PAIP2B: variants seen among roughly 807,000 people sequenced by gnomAD.
The protein encoded by PAIP2B is polyadenylate-binding protein-interacting protein 2B.
PAIP2B carries 13 observed loss-of-function variants against 17.0 expected under a neutral mutation model. The observed-to-expected ratio is 0.76, with a 90% CI of 0.50 to 1.22. PAIP2B has a LOEUF of 1.22. PAIP2B is among the 50% of genes most tolerant of loss of function. The pLI is 0.00. For synonymous variants in PAIP2B, 43 were observed against 48.7 expected (o/e 0.88, Z 0.48); for missense variants, 117 against 144.5 (o/e 0.81, Z 0.98).
chr2:71,186,027 G>A lies in PAIP2B; in HGVS notation c.*2452C>T, dbSNP rs1163559095. 1 of 152,172 alleles carries A rather than the reference G, an allele frequency of 6.6e-6. No individual in the cohort carries two copies. The highest frequency in any genetic ancestry group is 1.5e-5 in the Non-Finnish European group (1 of 68,044). 9.4% of individuals were successfully genotyped at this position (152,172 alleles called of 1,614,324 possible). ...TTAAAAAAGTTTAAACAAAGTAGTG[G>A]CTTAAATTCAACATCAAAATTACCC... On this transcript the variant is annotated 3_prime_UTR_variant, in exon 4 of 4. Coordinates refer to ENST00000244221, the MANE Select transcript of PAIP2B (RefSeq NM_020459.1).
rs921929701 is a variant in PAIP2B, at chr2:71,188,441, T to C, written c.*38A>G. On this transcript the variant is annotated 3_prime_UTR_variant, in exon 4 of 4. Transcript: ENST00000244221. ...CATTTTGTGCATTACTATCCCCAGA[T>C]GTGGGGACAGACAAGTCTTCCTCAA... 1 of 1,559,064 alleles carries C rather than the reference T, an allele frequency of 6.4e-7. No homozygotes were observed. Among genetic ancestry groups the C allele is most frequent in the African/African-American group, 1.4e-5 (1 of 73,568 alleles).
intron 1 of PAIP2B, among the ~76,000 whole-genome samples, chr2:71,206,696 T>A (rs1675137271): frequency 6.6e-6 from 1 of 152,230 alleles, no homozygotes; most frequent in Admixed American, 6.5e-5. Flanking sequence ...AAACTAGCTA[T>A]TCTTTGAACT....
chr2:71,210,731 T>A (rs1261215207), intron 1 of PAIP2B, among the ~76,000 whole-genome samples: 3 of 152,172 alleles, frequency 2.0e-5, no homozygotes, highest in Non-Finnish European at 2.9e-5. Flanking sequence ...GGCTGCCAAA[T>A]GAGAAAGACA....
At chr2:71,226,222 C>T (rs1016099303) in intron 1 of PAIP2B, among the ~76,000 whole-genome samples, 2 of 152,192 alleles carry the variant, frequency 1.3e-5, no homozygotes, top group Non-Finnish European at 2.9e-5. Context: ...GCCAAACTCC[C>T]TGTTCTGCGT....
chr2:71,187,264 C>G lies in PAIP2B; in HGVS notation c.*1215G>C, dbSNP rs1674564209. 1 of 152,154 alleles carries G rather than the reference C, an allele frequency of 6.6e-6. No individual in the cohort carries two copies. The highest frequency in any genetic ancestry group is 6.5e-5 in the Admixed American group (1 of 15,272). The allele number at this position is 152,154 out of a possible 1,614,324, so 9.4% of individuals were successfully genotyped here. On this transcript the variant is annotated 3_prime_UTR_variant, in exon 4 of 4. Transcript: ENST00000244221. ...GGCAGGAAAGACAAAGAAACACACC[C>G]TAAGAGGTCAATCTACAAAACTTGC...
intron 1 of PAIP2B, among the ~76,000 whole-genome samples, chr2:71,213,455 G>C (rs1472246850): frequency 6.6e-6 from 1 of 152,118 alleles, no homozygotes; most frequent in East Asian, 1.9e-4. Context: ...GAGGGACGAG[G>C]GTAAGGTCAG....
intron 1 of PAIP2B, among the ~76,000 whole-genome samples, chr2:71,215,186 T>C (rs1675395716): frequency 6.6e-6 from 1 of 152,032 alleles, no homozygotes; most frequent in South Asian, 2.1e-4. Flanking sequence ...ATCTGAGGCA[T>C]ACAGTCCAGG....
intron 2 of PAIP2B, among the ~76,000 whole-genome samples, chr2:71,191,668 G>T (rs1424044022): frequency 6.6e-6 from 1 of 152,172 alleles, no homozygotes; most frequent in Non-Finnish European, 1.5e-5. Context: ...CAAGGGACAT[G>T]GACACTTTGG....
At position 71,188,209 on chromosome 2, in the gene PAIP2B, A is replaced by G. The variant is rs988545019; in HGVS notation, c.*270T>C. 2 of 472,552 alleles carry G rather than the reference A, an allele frequency of 4.2e-6. No individual in the cohort carries two copies. The highest frequency in any genetic ancestry group is 7.5e-6 in the Non-Finnish European group (2 of 265,772). The allele number at this position is 472,552 out of a possible 1,614,324, so 29.3% of individuals were successfully genotyped here. On this transcript the variant is annotated 3_prime_UTR_variant, in exon 4 of 4. Coordinates refer to ENST00000244221, the MANE Select transcript of PAIP2B (RefSeq NM_020459.1). ...GGAACACTTCTGATGAAGGGGGGAAAATGCAATTTCCTTAACTCGAAAGAG... is the reference window on the plus strand; with the variant it reads ...GGAACACTTCTGATGAAGGGGGGAAGATGCAATTTCCTTAACTCGAAAGAG...
chr2:71,189,811 C>G, intron 3 of PAIP2B, 34 bp downstream of exon 3: 4 of 1,515,866 alleles, frequency 2.6e-6, no homozygotes, highest in Non-Finnish European at 3.6e-6. Context: ...ATTCTTTTCA[C>G]TACATAACCT....
intron 1 of PAIP2B, among the ~76,000 whole-genome samples, chr2:71,213,468 CA>C (rs1236311496): frequency 2.0e-5 from 3 of 152,126 alleles, no homozygotes; most frequent in Non-Finnish European, 2.9e-5. Flanking sequence ...AAGGTCAGAA[CA>C]TTTCTTGGGA....
At chr2:71,209,953 T>C (rs1418552410) in intron 1 of PAIP2B, among the ~76,000 whole-genome samples, 2 of 151,982 alleles carry the variant, frequency 1.3e-5, no homozygotes, top group African/African-American at 4.8e-5. Flanking sequence ...GCCTCCTGAG[T>C]AGCTGGGACT....
chr2:71,189,909 C>T lies in PAIP2B; in HGVS notation c.251G>A (p.Gly84Glu). The T allele has an allele frequency of 6.3e-7, 1 of 1,587,356 alleles. No homozygotes were observed. Among genetic ancestry groups the T allele is most frequent in the East Asian group, 2.3e-5 (1 of 43,844 alleles). Reference sequence around the variant, plus strand: ...TCCATTTAACTGCTGTTGCAACTGTCCCATGGCCTGAGGCAGGTCTCGTGA... The same window carrying T: ...TCCATTTAACTGCTGTTGCAACTGTTCCATGGCCTGAGGCAGGTCTCGTGA... Reference protein sequence around the residue: ...IPSRDLPQAMGQLQQQLNGLS... With the variant: ...IPSRDLPQAMEQLQQQLNGLS... Residue 84 changes from glycine to glutamate, a missense_variant, in exon 3 of 4, where the codon GGA becomes GAA. Coordinates refer to ENST00000244221, the MANE Select transcript of PAIP2B (RefSeq NM_020459.1).
At chr2:71,208,768 A>G (rs1675211983) in intron 1 of PAIP2B, among the ~76,000 whole-genome samples, 1 of 152,172 alleles carries the variant, frequency 6.6e-6, no homozygotes, top group South Asian at 2.1e-4. Flanking sequence ...GAGATTTAAC[A>G]CACACACAGA....
intron 1 of PAIP2B, among the ~76,000 whole-genome samples, chr2:71,204,067 ATTG>A (rs1675060498): frequency 1.3e-5 from 2 of 152,060 alleles, no homozygotes; most frequent in South Asian, 4.1e-4. Flanking sequence ...ACACTACTTA[ATTG>A]TTGTTTGATA....
At position 71,226,920 on chromosome 2, in the gene PAIP2B, G is replaced by A. The variant is rs769636728; in HGVS notation, c.-12+8C>T. ...CCTTTCCCCAGCAGCCCGGGCACCCGAGCCCACCTGGGCTAACCAGAAGCC... is the reference window on the plus strand; with the variant it reads ...CCTTTCCCCAGCAGCCCGGGCACCCAAGCCCACCTGGGCTAACCAGAAGCC... On this transcript the variant is annotated splice_region_variant and intron_variant, in intron 1 of 3. Transcript: ENST00000244221. 1 of 152,662 alleles carries A rather than the reference G, an allele frequency of 6.6e-6. No individual in the cohort carries two copies. Among genetic ancestry groups the A allele is most frequent in the Non-Finnish European group, 1.5e-5 (1 of 68,238 alleles). 9.5% of individuals were successfully genotyped at this position (152,662 alleles called of 1,614,324 possible). A position where few individuals can be genotyped will look rare whatever the true frequency, so the allele number is the denominator to read the frequency against.
intron 2 of PAIP2B, 129 bp from the exon 3 acceptor site, chr2:71,190,150 T>C (rs1406453584): frequency 3.8e-5 from 37 of 963,992 alleles, no homozygotes; most frequent in Non-Finnish European, 3.0e-6. Flanking sequence ...CTGGGTGTGG[T>C]GGCTCACAAC....
chr2:71,219,311 A>G (rs183544048), intron 1 of PAIP2B, among the ~76,000 whole-genome samples: 8 of 151,806 alleles, frequency 5.3e-5, no homozygotes, highest in Admixed American at 2.6e-4. Flanking sequence ...TGTTATTTTC[A>G]TTTATTTTTA....
intron 1 of PAIP2B, among the ~76,000 whole-genome samples, chr2:71,220,135 C>A (rs1396543478): frequency 1.3e-5 from 2 of 152,216 alleles, no homozygotes; most frequent in African/African-American, 4.8e-5. Flanking sequence ...CCAAGCATAA[C>A]CACCTACACA....
Sources: gnomAD v4.1 joint callset for allele counts (sites outside exome capture counted in the v4.1 genomes callset) on GRCh38, gnomAD v4.1.1 for gene constraint, MANE v1.5 for transcripts, NCBI Gene and HGNC (gene_info 2026-07-23, HGNC 2026-07-21) for gene names.